Variants in CMKLR1 observed in about 807,000 individuals in gnomAD.
The protein encoded by CMKLR1 is chemerin chemokine-like receptor 1.
CMKLR1 carries 6 observed loss-of-function variants against 8.2 expected under a neutral mutation model. The ratio of observed to expected loss-of-function variants is 0.73; its 90% CI spans 0.40 to 1.44. The LOEUF (loss-of-function observed/expected upper bound fraction) is 1.44, where lower values mean the gene tolerates loss of function less well. Among genes scored for constraint, CMKLR1 ranks in the 40% most tolerant of loss-of-function variants. The pLI is 0.02. For synonymous variants in CMKLR1, 178 were observed against 181.2 expected (o/e 0.98, Z 0.14); for missense variants, 429 against 478.0 (o/e 0.90, Z 0.96).
At position 108,292,571 on chromosome 12, in the gene CMKLR1, G is replaced by C. The variant is rs879355530; in HGVS notation, c.392C>G (p.Thr131Ser). Residue 131 changes from threonine to serine, a missense_variant, in exon 4 of 4, where the codon ACC becomes AGC. Physicochemically the swap from Thr to Ser is moderately conservative, Grantham distance 58. Transcript: ENST00000550402. ...GATGCAGCGGTCAGAGCTGATGATG[G>C]TCAGCAGGAAGACGCTGGTGAACAT... ...HNMFTSVFLL[T>S]IISSDRCISV... 6.2e-7 allele frequency: 1 copy of C among 1,614,198 alleles called. No individual in the cohort carries two copies. Among genetic ancestry groups the C allele is most frequent in the Non-Finnish European group, 8.5e-7 (1 of 1,180,044 alleles).
chr12:108,327,287 G>A (rs1056388797), intron 2 of CMKLR1, among the ~76,000 whole-genome samples: 4 of 152,182 alleles, frequency 2.6e-5, no homozygotes, highest in Non-Finnish European at 4.4e-5. Context: ...AGACCAGCCT[G>A]GGCAACATGG....
At chr12:108,310,307 A>G (rs1891521586) in intron 2 of CMKLR1, among the ~76,000 whole-genome samples, 2 of 152,032 alleles carry the variant, frequency 1.3e-5, no homozygotes, top group African/African-American at 4.8e-5. Context: ...GGAGCCATGG[A>G]TGGTTTTAAG....
intron 2 of CMKLR1, among the ~76,000 whole-genome samples, chr12:108,323,079 G>A (rs1891898866): frequency 6.6e-6 from 1 of 152,120 alleles, no homozygotes; most frequent in Non-Finnish European, 1.5e-5. Context: ...GCTTAGTTCA[G>A]TCAACTTCAC....
chr12:108,327,013 G>T (rs775735501), intron 2 of CMKLR1, among the ~76,000 whole-genome samples: 9 of 152,126 alleles, frequency 5.9e-5, no homozygotes, highest in Non-Finnish European at 1.3e-4. Context: ...GAGAGAGAGA[G>T]AGAGAAACTG....
rs186397170 is a variant in CMKLR1, at chr12:108,321,995, C to T, written c.-74+8000G>A. Among the ~76,000 whole-genome samples, 490 of 152,232 alleles carry T rather than the reference C, an allele frequency of 3.2e-3. 1 individual carries two copies. Among genetic ancestry groups the T allele is most frequent in the Non-Finnish European group, 5.7e-3 (390 of 68,032 alleles). Reference sequence around the variant, plus strand: ...AATGGGTGAGTTGTCTATTAGTTCCCACAAGAATTGATTGTTTAAAAGGAA... The same window carrying T: ...AATGGGTGAGTTGTCTATTAGTTCCTACAAGAATTGATTGTTTAAAAGGAA... On this transcript the variant is annotated intron_variant, in intron 2 of 3. Transcript: ENST00000550402.
rs59925321 is a variant in CMKLR1, at chr12:108,293,672, GAAAAAA to G, written c.-73-14_-73-9del. The G allele has an allele frequency of 2.5e-4, 229 of 901,176 alleles. No homozygotes were observed. Among genetic ancestry groups the G allele is most frequent in the South Asian group, 4.0e-4 (22 of 54,340 alleles). 55.8% of individuals were successfully genotyped at this position (901,176 alleles called of 1,614,324 possible). A position where few individuals can be genotyped will look rare whatever the true frequency, so the allele number is the denominator to read the frequency against. On this transcript the variant is annotated splice_polypyrimidine_tract_variant and intron_variant, in intron 2 of 3. Coordinates refer to ENST00000550402, the MANE Select transcript of CMKLR1 (RefSeq NM_001142343.2). ...GTACACAGCTAGAAACACCTGTAGGGAAAAAAAAAAAAAAAAAAGCAGCAATTGGAT... is the reference window on the plus strand; with the variant it reads ...GTACACAGCTAGAAACACCTGTAGGGAAAAAAAAAAAAGCAGCAATTGGAT...
At chr12:108,335,361 C>T (rs905558688) in intron 1 of CMKLR1, among the ~76,000 whole-genome samples, 1 of 152,120 alleles carries the variant, frequency 6.6e-6, no homozygotes, top group Non-Finnish European at 1.5e-5. Context: ...GCAAATATGC[C>T]ACCTCCATAC....
chr12:108,333,582 T>C (rs1283996563), intron 1 of CMKLR1, among the ~76,000 whole-genome samples: 1 of 152,232 alleles, frequency 6.6e-6, no homozygotes, highest in Non-Finnish European at 1.5e-5. Context: ...GGATATGGAC[T>C]CATTTAATCT....
rs1421000184 is a variant in CMKLR1 at position 108,316,826 on chromosome 12, C to T, written c.-74+13169G>A. Among the ~76,000 whole-genome samples the T allele has an allele frequency of 2.0e-5, 3 of 152,190 alleles. No homozygotes were observed. In the East Asian group the frequency reaches 5.8e-4, roughly 29 times the overall value. On this transcript the variant is annotated intron_variant, in intron 2 of 3. Transcript: ENST00000550402. The stretch of plus-strand genomic sequence containing the variant: ...GGGGCTTTTGCTTTGGGATGGAAAG[C>T]CACAGGCACCGGTTGGAACCGCCAG...
intron 2 of CMKLR1, among the ~76,000 whole-genome samples, chr12:108,311,643 G>T (rs969193328): frequency 9.2e-5 from 14 of 152,180 alleles, no homozygotes; most frequent in African/African-American, 3.4e-4. Context: ...GAAAAAAAGT[G>T]CCAGGGAAAG....
chr12:108,292,062 C>T lies in CMKLR1; in HGVS notation c.901G>A (p.Ala301Thr). 1 of 1,614,134 alleles carries T rather than the reference C, an allele frequency of 6.2e-7. No homozygotes were observed. The highest frequency in any genetic ancestry group is 1.3e-5 in the African/African-American group (1 of 75,022). ...CTGTTGGCAATGGCAAGGGCAGTGGCCAGGGGCAAACCCAGGCTGAAGACA... is the reference window on the plus strand; with the variant it reads ...CTGTTGGCAATGGCAAGGGCAGTGGTCAGGGGCAAACCCAGGCTGAAGACA... ...GSVFSLGLPL[A>T]TALAIANSCM... Residue 301 changes from alanine to threonine, a missense_variant, in exon 4 of 4, where the codon GCC becomes ACC. Transcript: ENST00000550402.
chr12:108,311,815 T>C (rs1243736868), intron 2 of CMKLR1, among the ~76,000 whole-genome samples: 1 of 152,106 alleles, frequency 6.6e-6, no homozygotes, highest in Non-Finnish European at 1.5e-5. Context: ...GCAGGACTCA[T>C]GGGAAGCCCC....
In CMKLR1 at chr12:108,330,162, G is replaced by A. The variant is rs1223033684; in HGVS notation, c.-241C>T. The A allele has an allele frequency of 1.3e-5, 2 of 152,188 alleles. No homozygotes were observed. Among genetic ancestry groups the A allele is most frequent in the Non-Finnish European group, 2.9e-5 (2 of 68,066 alleles). 9.4% of individuals were successfully genotyped at this position (152,188 alleles called of 1,614,324 possible). On this transcript the variant is annotated 5_prime_UTR_variant, in exon 2 of 4. Coordinates refer to ENST00000550402, the MANE Select transcript of CMKLR1 (RefSeq NM_001142343.2). ...TCTGCTATCATTGTTGCAGAGCCCT[G>A]AGCCTCCTGGTAGAAAAATCCAAGC...
Position 108,290,474 on chromosome 12 carries a change from T to C in CMKLR1, c.*1367A>G, listed in dbSNP as rs535650759. 6.6e-6 allele frequency: 1 copy of C among 152,342 alleles called. No individual in the cohort carries two copies. Among genetic ancestry groups the C allele is most frequent in the Non-Finnish European group, 1.5e-5 (1 of 68,034 alleles). 9.4% of individuals were successfully genotyped at this position (152,342 alleles called of 1,614,324 possible). The stretch of plus-strand genomic sequence containing the variant: ...AAAAGTGCTAAATAAATGTAGGCTA[T>C]CAATATACTAGAATAATCTCCACAG... On this transcript the variant is annotated 3_prime_UTR_variant, in exon 4 of 4. Transcript: ENST00000550402.
intron 1 of CMKLR1, among the ~76,000 whole-genome samples, chr12:108,333,252 C>G (rs1892148597): frequency 6.7e-6 from 1 of 150,170 alleles, no homozygotes; most frequent in Non-Finnish European, 1.5e-5. Context: ...GAAAGCAGAA[C>G]CGATTCTGAC....
intron 2 of CMKLR1, among the ~76,000 whole-genome samples, chr12:108,305,793 G>A (rs185406653): frequency 5.9e-5 from 9 of 152,320 alleles, no homozygotes; most frequent in East Asian, 5.8e-4. Context: ...AGAGCAGAGC[G>A]GCACGGGCTG....
In CMKLR1 at chr12:108,314,934, G is replaced by GTTTTTT. The variant is rs3045858; in HGVS notation, c.-74+15055_-74+15060dup. ...ATGGCCCAGGCTCGAACACAGCCTT[G>GTTTTTT]TTTTTTTTTTTTTTTTTTTTGAGAC... On this transcript the variant is annotated intron_variant, in intron 2 of 3. Coordinates refer to ENST00000550402, the MANE Select transcript of CMKLR1 (RefSeq NM_001142343.2). Among the ~76,000 whole-genome samples the GTTTTTT allele has an allele frequency of 3.6e-4, 39 of 109,570 alleles. 1 individual carries two copies. The highest frequency in any genetic ancestry group is 1.3e-3 in the African/African-American group (34 of 26,724). The allele number at this position is 109,570 out of a possible 152,430, so 71.9% of individuals were successfully genotyped here. A position where few individuals can be genotyped will look rare whatever the true frequency, so the allele number is the denominator to read the frequency against.
chr12:108,296,793 C>G (rs2137297637), intron 2 of CMKLR1, among the ~76,000 whole-genome samples: 1 of 152,056 alleles, frequency 6.6e-6, no homozygotes, highest in Middle Eastern at 3.4e-3. Flanking sequence ...CCATTGCACT[C>G]CAGCCTGGAC....
chr12:108,305,227 C>G (rs1424368122), intron 2 of CMKLR1, among the ~76,000 whole-genome samples: 1 of 152,234 alleles, frequency 6.6e-6, no homozygotes, highest in African/African-American at 2.4e-5. Context: ...ACTTCCATAA[C>G]TTCTGCCTCA....
Sources: allele counts gnomAD v4.1 joint callset (sites outside exome capture counted in the v4.1 genomes callset), GRCh38; gene constraint gnomAD v4.1.1; transcripts MANE v1.5; gene names NCBI Gene and HGNC (gene_info 2026-07-23, HGNC 2026-07-21).